DYM: variants seen among roughly 807,000 people sequenced by gnomAD.
DYM encodes the protein dymeclin.
In DYM, 78 loss-of-function variants were observed where a neutral mutation model predicts 93.1. The ratio of observed to expected loss-of-function variants is 0.84; its 90% CI spans 0.70 to 1.01. DYM has a LOEUF of 1.01. Ranked by LOEUF, DYM falls within the 50% of genes least tolerant of loss-of-function variation. DYM has a pLI of 0.00. For missense variants in DYM, 789 were observed against 845.0 expected (o/e 0.93, Z 0.82); for synonymous variants, 321 against 319.7 (o/e 1.00, Z -0.04).
intron 9 of DYM, among the ~76,000 whole-genome samples, chr18:49,283,556 T>C (rs2095045627): frequency 6.6e-6 from 1 of 151,996 alleles, no homozygotes; most frequent in Admixed American, 6.6e-5. Context: ...GCTGAGAAAC[T>C]GAAGCAACCA....
At chr18:49,130,989 C>T (rs1045067078) in intron 15 of DYM, among the ~76,000 whole-genome samples, 8 of 152,074 alleles carry the variant, frequency 5.3e-5, no homozygotes, top group African/African-American at 7.2e-5. Context: ...TCAGCTTTCC[C>T]GTGAGAAAAA....
intron 5 of DYM, among the ~76,000 whole-genome samples, chr18:49,375,134 C>A (rs1203766124): frequency 6.6e-6 from 1 of 151,304 alleles, no homozygotes; most frequent in Non-Finnish European, 1.5e-5. Flanking sequence ...GGGAAATACT[C>A]GTGGGGCAGC....
intron 8 of DYM, among the ~76,000 whole-genome samples, chr18:49,293,584 T>TG (rs1365347226): frequency 2.0e-5 from 3 of 152,350 alleles, no homozygotes; most frequent in African/African-American, 7.2e-5. Context: ...CCAGTGATGA[T>TG]GAGCTTTCAT....
intron 17 of DYM, among the ~76,000 whole-genome samples, chr18:49,059,372 C>A (rs1454452059): frequency 6.6e-6 from 1 of 152,168 alleles, no homozygotes; most frequent in African/African-American, 2.4e-5. Flanking sequence ...GCAGCCCCAG[C>A]GAACTAAGAC....
chr18:49,180,820 G>A (rs1003325400), intron 14 of DYM, among the ~76,000 whole-genome samples: 139 of 152,242 alleles, frequency 9.1e-4, no homozygotes, highest in African/African-American at 3.2e-3. Context: ...GCAGTTAAGA[G>A]TTGCTGTGAT....
At chr18:49,123,035 T>A (rs2082519035) in intron 15 of DYM, among the ~76,000 whole-genome samples, 1 of 152,206 alleles carries the variant, frequency 6.6e-6, no homozygotes, top group Admixed American at 6.5e-5. Context: ...AGTCATGTTC[T>A]TACTTATTTC....
At chr18:49,356,612 G>A (rs962110233) in intron 6 of DYM, among the ~76,000 whole-genome samples, 1 of 152,132 alleles carries the variant, frequency 6.6e-6, no homozygotes, top group African/African-American at 2.4e-5. Context: ...CCAATAGCTA[G>A]GCCCTTCGTT....
intron 13 of DYM, among the ~76,000 whole-genome samples, chr18:49,245,608 T>C (rs1282331673): frequency 6.6e-6 from 1 of 152,180 alleles, no homozygotes; most frequent in Non-Finnish European, 1.5e-5. Context: ...GGTTCTCTGC[T>C]CTCGAACCCT....
chr18:49,227,300 G>C (rs922558640), intron 13 of DYM, among the ~76,000 whole-genome samples: 1 of 152,154 alleles, frequency 6.6e-6, no homozygotes, highest in African/African-American at 2.4e-5. Context: ...AGTGAAGTTA[G>C]ATAATCTGGA....
chr18:49,102,205 T>C (rs2080233564), intron 16 of DYM, among the ~76,000 whole-genome samples: 1 of 152,232 alleles, frequency 6.6e-6, no homozygotes, highest in South Asian at 2.1e-4. Flanking sequence ...CTGTGAGCAC[T>C]TACCATGCGC....
At chr18:49,343,398 C>T (rs115070952) in intron 6 of DYM, among the ~76,000 whole-genome samples, 1,657 of 152,332 alleles carry the variant, frequency 0.011, 30 homozygotes, top group African/African-American at 0.038. Flanking sequence ...TTAGAATACT[C>T]TCCCATCAAA....
chr18:49,131,583 C>T (rs1382785786), intron 15 of DYM, among the ~76,000 whole-genome samples: 2 of 152,084 alleles, frequency 1.3e-5, no homozygotes, highest in Non-Finnish European at 2.9e-5. Context: ...CTTTGTGTAA[C>T]CTTAATTACT....
chr18:49,159,745 T>A (rs1187291730), intron 15 of DYM, among the ~76,000 whole-genome samples: 1 of 152,146 alleles, frequency 6.6e-6, no homozygotes, highest in African/African-American at 2.4e-5. Flanking sequence ...GTAGAGTCAG[T>A]CCTACAGAAA....
intron 14 of DYM, among the ~76,000 whole-genome samples, chr18:49,195,007 T>G (rs1221042443): frequency 6.6e-6 from 1 of 152,164 alleles, no homozygotes; most frequent in Non-Finnish European, 1.5e-5. Context: ...TTTCAAATTT[T>G]TCCAATTTTG....
chr18:49,156,007 T>A (rs968439440), intron 15 of DYM, among the ~76,000 whole-genome samples: 5 of 152,240 alleles, frequency 3.3e-5, no homozygotes, highest in African/African-American at 9.6e-5. Flanking sequence ...AACATTCCCA[T>A]GAGCAGTACA....
chr18:49,177,014 T>C (rs1211362873), intron 14 of DYM, among the ~76,000 whole-genome samples: 1 of 152,178 alleles, frequency 6.6e-6, no homozygotes, highest in African/African-American at 2.4e-5. Flanking sequence ...TGGTTGTCTT[T>C]TTCGGTGACC....
rs1264851070 is a variant in DYM, at chr18:49,118,609, G to C, written c.1911+135C>G. On this transcript the variant is annotated intron_variant, in intron 16 of 17. Coordinates refer to ENST00000675505, the MANE Select transcript of DYM (RefSeq NM_001353214.3). The stretch of plus-strand genomic sequence containing the variant: ...CACACAGATTACCACAACTATTATA[G>C]TAAAATAGACTGCAAATACAGTTAA... 3 of 824,374 alleles carry C rather than the reference G, an allele frequency of 3.6e-6. No individual in the cohort carries two copies. In the East Asian group the frequency reaches 8.0e-5, roughly 22 times the overall value. 51.1% of individuals were successfully genotyped at this position (824,374 alleles called of 1,614,324 possible). A position where few individuals can be genotyped will look rare whatever the true frequency, so the allele number is the denominator to read the frequency against.
At chr18:49,150,703 G>A (rs752419677) in intron 15 of DYM, among the ~76,000 whole-genome samples, 2 of 152,146 alleles carry the variant, frequency 1.3e-5, no homozygotes, top group African/African-American at 4.8e-5. Flanking sequence ...TCAGCAACCA[G>A]ACTGATTAGC....
At chr18:49,180,103 TTAGA>T (rs2089774875) in intron 14 of DYM, among the ~76,000 whole-genome samples, 1 of 152,096 alleles carries the variant, frequency 6.6e-6, no homozygotes, top group South Asian at 2.1e-4. Flanking sequence ...ACAATGCTAG[TTAGA>T]TAGAAACAAA....
Sources: gnomAD v4.1 joint callset for allele counts (sites outside exome capture counted in the v4.1 genomes callset) on GRCh38, gnomAD v4.1.1 for gene constraint, MANE v1.5 for transcripts, NCBI Gene and HGNC (gene_info 2026-07-23, HGNC 2026-07-21) for gene names.